Variants in CYYR1 observed in about 807,000 individuals in gnomAD.
The protein encoded by CYYR1 is cysteine and tyrosine-rich protein 1.
Under a neutral mutation model 15.2 loss-of-function variants are expected in CYYR1, and 14 were observed. The ratio of observed to expected loss-of-function variants is 0.92; its 90% CI spans 0.61 to 1.44. The LOEUF (loss-of-function observed/expected upper bound fraction) is 1.44, where lower values mean the gene tolerates loss of function less well. Among genes scored for constraint, CYYR1 ranks in the 40% most tolerant of loss-of-function variants. The pLI is 0.00. For missense variants in CYYR1, 228 were observed against 209.5 expected, an observed-to-expected ratio of 1.09 and a Z score of -0.54; for synonymous variants, 80 against 77.4, an observed-to-expected ratio of 1.03 and a Z score of -0.18.
At chr21:26,477,850 C>T in intron 3 of CYYR1, 1 of 1,223,918 alleles carries the variant, frequency 8.2e-7, no homozygotes, top group Non-Finnish European at 1.0e-6. Flanking sequence ...ATAATTCCAT[C>T]TATTTTTTTC....
intron 2 of CYYR1, among the ~76,000 whole-genome samples, chr21:26,531,825 C>T (rs544633693): frequency 6.6e-6 from 1 of 152,146 alleles, no homozygotes; most frequent in Non-Finnish European, 1.5e-5. Context: ...TCTTGAACAG[C>T]GTGCTAGCCA....
chr21:26,509,897 A>G (rs1480589650), intron 2 of CYYR1, among the ~76,000 whole-genome samples: 1 of 152,192 alleles, frequency 6.6e-6, no homozygotes, highest in East Asian at 1.9e-4. Context: ...CTCTGGAAGG[A>G]GAGGAGACTT....
At chr21:26,477,967 A>T (rs2065125025) in intron 3 of CYYR1, 1 of 1,439,770 alleles carries the variant, frequency 6.9e-7, no homozygotes. Flanking sequence ...GGTGAAACTT[A>T]AAGTCAATTC....
intron 2 of CYYR1, among the ~76,000 whole-genome samples, chr21:26,502,344 A>G (rs970644180): frequency 1.3e-5 from 2 of 149,758 alleles, no homozygotes; most frequent in African/African-American, 4.9e-5. Flanking sequence ...GATGAAATGG[A>G]TATGTGAATG....
intron 2 of CYYR1, among the ~76,000 whole-genome samples, chr21:26,496,760 A>C (rs945316289): frequency 4.6e-5 from 7 of 152,184 alleles, no homozygotes; most frequent in African/African-American, 1.7e-4. Context: ...CCGGATAAAT[A>C]GAATATTTAT....
intron 2 of CYYR1, among the ~76,000 whole-genome samples, chr21:26,560,884 A>G (rs1404223164): frequency 6.6e-6 from 1 of 152,140 alleles, no homozygotes; most frequent in Non-Finnish European, 1.5e-5. Flanking sequence ...GATGTAGATC[A>G]CTAAAAACTG....
In CYYR1 at chr21:26,519,865, C is replaced by T. The variant is rs181318898; in HGVS notation, c.177-39436G>A. On this transcript the variant is annotated intron_variant, in intron 2 of 3. Coordinates refer to ENST00000652641, the MANE Select transcript of CYYR1 (RefSeq NM_001320768.2). ...TAGAACCAAGGATCATTTCACCCAG[C>T]AATCCCATTACTAGGTATATACCCA... Among the ~76,000 whole-genome samples the T allele has an allele frequency of 2.9e-4, 44 of 152,136 alleles. No individual in the cohort carries two copies. In the East Asian group the frequency reaches 5.6e-3, roughly 19 times the overall value.
chr21:26,468,566 G>A lies in CYYR1; in HGVS notation c.403C>T (p.Pro135Ser), dbSNP rs1227100045. ...CGCTGTGCTGGACCCTGTGGGGTGG[G>A]GGAGTATGGAGGAGGCAAGTCTGCA... ...YCADLPPPYSPTPQGPAQRSP... is the reference protein window; with the variant it reads ...YCADLPPPYSSTPQGPAQRSP... The change falls in exon 4 of 4, where the codon CCC (proline) becomes TCC (serine). Residue 135 changes from proline to serine, a missense_variant. Physicochemically the swap from Pro to Ser is moderately conservative, Grantham distance 74 (BLOSUM62 -1). Coordinates refer to ENST00000652641, the MANE Select transcript of CYYR1 (RefSeq NM_001320768.2). The A allele has an allele frequency of 1.2e-6, 2 of 1,613,580 alleles. No individual in the cohort carries two copies. Among genetic ancestry groups the A allele is most frequent in the African/African-American group, 1.3e-5 (1 of 74,874 alleles).
intron 2 of CYYR1, among the ~76,000 whole-genome samples, chr21:26,488,855 G>C (rs1361059607): frequency 6.6e-6 from 1 of 151,998 alleles, no homozygotes; most frequent in Middle Eastern, 3.2e-3. Flanking sequence ...TAACAACATG[G>C]AGATGCTGTA....
intron 2 of CYYR1, among the ~76,000 whole-genome samples, chr21:26,484,775 A>G (rs566880744): frequency 1.1e-4 from 16 of 152,244 alleles, no homozygotes; most frequent in African/African-American, 3.4e-4. Flanking sequence ...CTTTTCTTAA[A>G]TAGAGGAAAG....
chr21:26,469,359 AAGG>A (rs1431745206), intron 3 of CYYR1, among the ~76,000 whole-genome samples: 5 of 152,136 alleles, frequency 3.3e-5, no homozygotes, highest in Admixed American at 2.0e-4. Flanking sequence ...GAAGACAAAA[AAGG>A]AGGACAAGTA....
chr21:26,572,457 G>C (rs1343543227), intron 1 of CYYR1, among the ~76,000 whole-genome samples: 1 of 152,098 alleles, frequency 6.6e-6, no homozygotes, highest in Non-Finnish European at 1.5e-5. Flanking sequence ...ATCTCCCAAA[G>C]AACGAAAACA....
intron 2 of CYYR1, among the ~76,000 whole-genome samples, chr21:26,520,137 T>TATATATATATATATATATATATACATAC (rs1320265726): frequency 7.7e-6 from 1 of 129,778 alleles, no homozygotes; most frequent in African/African-American, 2.9e-5. Context: ...TATATATATA[T>TATATATATATATATATATATATACATAC]ATATGCAGAA....
At chr21:26,524,735 T>C (rs753926961) in intron 2 of CYYR1, among the ~76,000 whole-genome samples, 1 of 152,224 alleles carries the variant, frequency 6.6e-6, no homozygotes, top group Non-Finnish European at 1.5e-5. Context: ...AATAACCATG[T>C]ACCCATTATC....
intron 2 of CYYR1, among the ~76,000 whole-genome samples, chr21:26,540,989 T>C (rs1295091189): frequency 6.6e-6 from 1 of 152,050 alleles, no homozygotes; most frequent in Non-Finnish European, 1.5e-5. Flanking sequence ...AGGAATAAAA[T>C]ATCTGAAACA....
At chr21:26,498,927 G>A (rs1354747930) in intron 2 of CYYR1, among the ~76,000 whole-genome samples, 2 of 152,054 alleles carry the variant, frequency 1.3e-5, no homozygotes, top group Admixed American at 6.6e-5. Flanking sequence ...CCTCCCACTG[G>A]GTCCCTCCCA....
At chr21:26,500,794 A>C (rs2065471527) in intron 2 of CYYR1, among the ~76,000 whole-genome samples, 1 of 152,204 alleles carries the variant, frequency 6.6e-6, no homozygotes, top group African/African-American at 2.4e-5. Flanking sequence ...TAAGCCTTGC[A>C]TGAAGTCTAA....
chr21:26,527,211 G>A (rs1458090089), intron 2 of CYYR1, among the ~76,000 whole-genome samples: 2 of 152,134 alleles, frequency 1.3e-5, no homozygotes, highest in East Asian at 1.9e-4. Context: ...AACACTGCCA[G>A]TTTCCCTCTT....
chr21:26,524,477 T>C (rs1281300746), intron 2 of CYYR1, among the ~76,000 whole-genome samples: 2 of 152,206 alleles, frequency 1.3e-5, no homozygotes, highest in South Asian at 4.1e-4. Flanking sequence ...ATCCTAATTC[T>C]CTTTCCTCAG....
Sources: allele counts gnomAD v4.1 joint callset (sites outside exome capture counted in the v4.1 genomes callset), GRCh38; gene constraint gnomAD v4.1.1; transcripts MANE v1.5; gene names NCBI Gene and HGNC (gene_info 2026-07-23, HGNC 2026-07-21).